LAMC2: variants seen among roughly 807,000 people sequenced by gnomAD.
LAMC2 encodes laminin subunit gamma 2, also known as laminin subunit gamma-2.
A neutral mutation model predicts 140.2 loss-of-function variants in LAMC2; 97 were observed. That is an observed-to-expected ratio of 0.69 (90% CI 0.59 to 0.82). LAMC2 has a LOEUF of 0.82. LAMC2 is among the 40% of genes least tolerant of loss of function. The probability of loss-of-function intolerance (pLI) is 0.00; values close to 1 mark genes in which losing one functional copy is unlikely to be tolerated. For missense variants in LAMC2, 1,402 were observed against 1,476.1 expected (o/e 0.95, Z 0.82); for synonymous variants, 513 against 540.2 (o/e 0.95, Z 0.70).
chr1:183,218,518 C>CAG (rs1179610653), intron 4 of LAMC2, 30 bp downstream of exon 4: 5 of 1,499,600 alleles, frequency 3.3e-6, no homozygotes, highest in Non-Finnish European at 4.6e-6. Context: ...CTACAAACAG[C>CAG]AGAGAGAGTC....
the LAMC2 span, among the ~76,000 whole-genome samples, chr1:183,254,363 C>T: frequency 6.6e-6 from 1 of 152,066 alleles, no homozygotes; most frequent in Non-Finnish European, 1.5e-5. Context: ...TTTTATGCAC[C>T]TGTTAGCAAT....
intron 2 of LAMC2, among the ~76,000 whole-genome samples, chr1:183,208,640 A>G (rs1658975648): frequency 6.6e-6 from 1 of 152,186 alleles, no homozygotes; most frequent in Admixed American, 6.5e-5. Context: ...GAAACACCTA[A>G]TGGGGTGGCT....
chr1:183,246,445 G>A (rs908538966), downstream of LAMC2, among the ~76,000 whole-genome samples: 1 of 152,278 alleles, frequency 6.6e-6, no homozygotes, highest in African/African-American at 2.4e-5. Flanking sequence ...AGTTCATAGT[G>A]AAAGCTTTCT....
intron 2 of LAMC2, among the ~76,000 whole-genome samples, chr1:183,215,118 A>G (rs1308811415): frequency 6.6e-6 from 1 of 152,216 alleles, no homozygotes; most frequent in African/African-American, 2.4e-5. Flanking sequence ...TAGGAGGCCA[A>G]TGTGCTCATT....
intron 13 of LAMC2, 39 bp from the exon 14 acceptor site, chr1:183,232,613 C>G: frequency 6.4e-7 from 1 of 1,565,014 alleles, no homozygotes. Flanking sequence ...TATGCTGACC[C>G]AGAAAGTGCT....
intron 13 of LAMC2, 75 bp downstream of exon 13, chr1:183,232,418 A>C: frequency 6.6e-7 from 1 of 1,520,534 alleles, no homozygotes; most frequent in Non-Finnish European, 9.1e-7. Context: ...TAGGTCATAG[A>C]ATCTTCTATG....
intron 6 of LAMC2, 108 bp downstream of exon 6, chr1:183,222,319 G>T: frequency 8.1e-7 from 1 of 1,240,288 alleles, no homozygotes; most frequent in African/African-American, 1.5e-5. Flanking sequence ...TGGGTTCAGG[G>T]TAGCAGCATC....
At chr1:183,218,305 T>G in intron 3 of LAMC2, 85 bp from the exon 4 acceptor site, 1 of 1,092,084 alleles carries the variant, frequency 9.2e-7, no homozygotes, top group Non-Finnish European at 1.4e-6. Flanking sequence ...CTTCGTGATG[T>G]TTGCTCATGA....
intron 8 of LAMC2, among the ~76,000 whole-genome samples, chr1:183,226,139 CTTT>C (rs76667253): frequency 2.9e-5 from 4 of 136,188 alleles, no homozygotes; most frequent in African/African-American, 8.3e-5. Flanking sequence ...CTATTAATTC[CTTT>C]TTTTTTTTTT....
intron 2 of LAMC2, among the ~76,000 whole-genome samples, chr1:183,212,719 A>G (rs1418405418): frequency 6.6e-6 from 1 of 152,160 alleles, no homozygotes; most frequent in Non-Finnish European, 1.5e-5. Flanking sequence ...ATGCCCCTAG[A>G]AACTCAAGTT....
chr1:183,207,043 C>T (rs1012400185), intron 1 of LAMC2, among the ~76,000 whole-genome samples: 1 of 152,190 alleles, frequency 6.6e-6, no homozygotes, highest in Non-Finnish European at 1.5e-5. Context: ...GCAGATAATG[C>T]AGTCTGTATG....
chr1:183,187,107 G>A (rs1658178303), intron 1 of LAMC2, among the ~76,000 whole-genome samples: 1 of 152,176 alleles, frequency 6.6e-6, no homozygotes, highest in Non-Finnish European at 1.5e-5. Context: ...GCATGTGTCA[G>A]CTATGGCAAC....
At chr1:183,219,183 C>G (rs1558089174) in intron 4 of LAMC2, among the ~76,000 whole-genome samples, 1 of 152,230 alleles carries the variant, frequency 6.6e-6, no homozygotes, top group Non-Finnish European at 1.5e-5. Context: ...AAGGCTTCCT[C>G]CTCATTTCCT....
At chr1:183,235,269 T>C (rs549065127) in intron 15 of LAMC2, among the ~76,000 whole-genome samples, 2 of 152,254 alleles carry the variant, frequency 1.3e-5, no homozygotes, top group South Asian at 4.1e-4. Context: ...AGCAAACAGC[T>C]TACAGATGCA....
chr1:183,203,702 A>G (rs770323010), intron 1 of LAMC2, among the ~76,000 whole-genome samples: 7 of 152,094 alleles, frequency 4.6e-5, no homozygotes, highest in Non-Finnish European at 7.4e-5. Context: ...TGGGTGTTTA[A>G]TCTCAGTGCA....
chr1:183,225,693 C>T lies in LAMC2; in HGVS notation c.1039C>T (p.Arg347Cys), dbSNP rs188149266. The stretch of plus-strand genomic sequence containing the variant: ...GTTACTGCGGAATCTCACAGCCCTC[C>T]GCATCCGAGCTACATATGGAGAATA... Reference protein sequence around the residue: ...RRLLRNLTALRIRATYGEYST... With the variant: ...RRLLRNLTALCIRATYGEYST... Residue 347 changes from arginine to cysteine, a missense_variant, in exon 8 of 23, where the codon CGC becomes TGC. By Grantham distance (180) the Arg-to-Cys change is radical. Coordinates refer to ENST00000264144, the MANE Select transcript of LAMC2 (RefSeq NM_005562.3). The T allele has an allele frequency of 6.8e-5, 110 of 1,612,406 alleles. No homozygotes were observed. The East Asian group carries it at 1.8e-3, about 26-fold the overall frequency.
rs1659691504 is a variant in LAMC2 at position 183,228,285 on chromosome 1, C to T, written c.1469-89C>T. ...AGGGAAGCACATTTCTCTGGCTCTTCTAGAGGGTGACTCGCAACTTTAGGC... is the reference window on the plus strand; with the variant it reads ...AGGGAAGCACATTTCTCTGGCTCTTTTAGAGGGTGACTCGCAACTTTAGGC... On this transcript the variant is annotated intron_variant, in intron 10 of 22. Coordinates refer to ENST00000264144, the MANE Select transcript of LAMC2 (RefSeq NM_005562.3). This position sits in a 1 kb window ranked among gnomAD's most constrained non-coding sequence, Gnocchi z 4.3. 6.4e-7 allele frequency: 1 copy of T among 1,560,090 alleles called. No homozygotes were observed. The highest frequency in any genetic ancestry group is 1.4e-5 in the African/African-American group (1 of 73,780).
chr1:183,252,832 T>C, the LAMC2 span: 1 of 908,810 alleles, frequency 1.1e-6, no homozygotes, highest in Admixed American at 1.9e-5. Context: ...CAGCACCCCA[T>C]TTGTAGCCTT....
At chr1:183,189,926 A>G (rs992412016) in intron 1 of LAMC2, among the ~76,000 whole-genome samples, 62 of 152,202 alleles carry the variant, frequency 4.1e-4, no homozygotes, top group Non-Finnish European at 8.2e-4. Flanking sequence ...GGTTTTTCCC[A>G]TGCCCTGATG....
Sources: allele counts gnomAD v4.1 joint callset (sites outside exome capture counted in the v4.1 genomes callset), GRCh38; gene constraint gnomAD v4.1.1; non-coding constraint Gnocchi (gnomAD v3.1); transcripts MANE v1.5; gene names NCBI Gene and HGNC (gene_info 2026-07-23, HGNC 2026-07-21).